The following GUCY1A2 variants were observed in gnomAD, a reference collection of about 807,000 sequenced individuals.
GUCY1A2 encodes the protein guanylate cyclase soluble subunit alpha-2.
A neutral mutation model predicts 63.5 loss-of-function variants in GUCY1A2; 27 were observed. That is an observed-to-expected ratio of 0.43 (90% CI 0.31 to 0.59). GUCY1A2 has a LOEUF of 0.59. Among genes scored for constraint, GUCY1A2 ranks in the 20% least tolerant of loss-of-function variants. The pLI is 0.11. For synonymous variants in GUCY1A2, 364 were observed against 343.5 expected, an observed-to-expected ratio of 1.06 and a Z score of -0.66; for missense variants, 768 against 913.3, an observed-to-expected ratio of 0.84 and a Z score of 2.05.
chr11:106,733,031 T>A (rs978293965), intron 6 of GUCY1A2, among the ~76,000 whole-genome samples: 26 of 152,152 alleles, frequency 1.7e-4, no homozygotes, highest in African/African-American at 6.0e-4. Flanking sequence ...AATCTAAGAT[T>A]ATTTGTTATA....
chr11:106,991,813 T>C (rs530559629), intron 1 of GUCY1A2, among the ~76,000 whole-genome samples: 1 of 152,306 alleles, frequency 6.6e-6, no homozygotes, highest in Admixed American at 6.5e-5. Context: ...CCCACTCCCA[T>C]GCAAATAATT....
intron 3 of GUCY1A2, among the ~76,000 whole-genome samples, chr11:106,960,283 G>T (rs938416612): frequency 6.6e-6 from 1 of 152,094 alleles, no homozygotes; most frequent in Non-Finnish European, 1.5e-5. Flanking sequence ...AGATATGAAG[G>T]ATTTCAGTCT....
At position 106,996,514 on chromosome 11, in the gene GUCY1A2, T is replaced by G. The variant is rs1216214834; in HGVS notation, c.304-10383A>C. Among the ~76,000 whole-genome samples, 3 of 152,190 alleles carry G rather than the reference T, an allele frequency of 2.0e-5. No homozygotes were observed. In the East Asian group the frequency reaches 5.8e-4, roughly 29 times the overall value. On this transcript the variant is annotated intron_variant, in intron 1 of 7. Transcript: ENST00000526355. ...GACTCTAAATGGATTAAAGCAAACT[T>G]CTAATTATGACTTGGTTCCTCAGAT...
intron 4 of GUCY1A2, among the ~76,000 whole-genome samples, chr11:106,859,643 A>G (rs1859482200): frequency 6.6e-6 from 1 of 152,036 alleles, no homozygotes; most frequent in African/African-American, 2.4e-5. Context: ...ATACCAGGTA[A>G]AAGTGCAGTC....
At chr11:106,742,993 C>G (rs1010739864) in intron 6 of GUCY1A2, among the ~76,000 whole-genome samples, 2 of 152,116 alleles carry the variant, frequency 1.3e-5, no homozygotes. Flanking sequence ...TCAGTGGGTT[C>G]CCATTAATGT....
intron 5 of GUCY1A2, among the ~76,000 whole-genome samples, chr11:106,780,525 G>A (rs566615787): frequency 2.6e-5 from 4 of 152,240 alleles, no homozygotes; most frequent in African/African-American, 9.6e-5. Flanking sequence ...GAACCTCCAC[G>A]TCGGGAACTA....
chr11:106,895,741 C>T (rs900633276), intron 4 of GUCY1A2, among the ~76,000 whole-genome samples: 5 of 152,060 alleles, frequency 3.3e-5, no homozygotes, highest in African/African-American at 4.8e-5. Context: ...ATACAACTTC[C>T]TAACTCATTC....
chr11:106,806,920 G>T (rs1334383526), intron 5 of GUCY1A2, among the ~76,000 whole-genome samples: 3 of 152,112 alleles, frequency 2.0e-5, no homozygotes, highest in African/African-American at 4.8e-5. Context: ...TCTATCATCT[G>T]CCTGATGATA....
At chr11:106,796,902 T>G (rs1490908737) in intron 5 of GUCY1A2, among the ~76,000 whole-genome samples, 1 of 152,210 alleles carries the variant, frequency 6.6e-6, no homozygotes, top group Non-Finnish European at 1.5e-5. Flanking sequence ...CCTGTCACTT[T>G]CAGGCACACC....
At chr11:106,828,702 A>G (rs1859010375) in intron 4 of GUCY1A2, among the ~76,000 whole-genome samples, 1 of 152,006 alleles carries the variant, frequency 6.6e-6, no homozygotes. Flanking sequence ...CAAGAAGGCA[A>G]GGATTGAACC....
chr11:106,837,274 T>C (rs1438870663), intron 4 of GUCY1A2, among the ~76,000 whole-genome samples: 1 of 152,030 alleles, frequency 6.6e-6, no homozygotes, highest in Non-Finnish European at 1.5e-5. Flanking sequence ...TGTATTAGTC[T>C]GCTAAGGATA....
At chr11:106,778,418 T>C (rs897947855) in intron 5 of GUCY1A2, among the ~76,000 whole-genome samples, 5 of 152,216 alleles carry the variant, frequency 3.3e-5, no homozygotes, top group Admixed American at 3.3e-4. Context: ...CTGGCTACGA[T>C]GTGAGCTTTT....
chr11:106,825,087 C>T, intron 4 of GUCY1A2: 1 of 615,066 alleles, frequency 1.6e-6, no homozygotes, highest in East Asian at 3.0e-5. Flanking sequence ...ATTTTCAGAG[C>T]TTATCTCTGA....
chr11:106,990,359 T>C (rs1375231567), intron 1 of GUCY1A2, among the ~76,000 whole-genome samples: 1 of 152,252 alleles, frequency 6.6e-6, no homozygotes, highest in Non-Finnish European at 1.5e-5. Flanking sequence ...AGACTAAATG[T>C]TATGCTCAAG....
chr11:106,942,239 C>G (rs1860761745), intron 3 of GUCY1A2, among the ~76,000 whole-genome samples: 1 of 152,164 alleles, frequency 6.6e-6, no homozygotes. Flanking sequence ...TATTAATCAT[C>G]CCTTCCTCCT....
intron 4 of GUCY1A2, among the ~76,000 whole-genome samples, chr11:106,869,834 C>G (rs568021851): frequency 3.3e-4 from 50 of 152,064 alleles, no homozygotes; most frequent in Non-Finnish European, 4.6e-4. Flanking sequence ...CTACTCACAA[C>G]AGCAAAGACT....
At chr11:106,780,961 G>A (rs1864448721) in intron 5 of GUCY1A2, among the ~76,000 whole-genome samples, 1 of 151,942 alleles carries the variant, frequency 6.6e-6, no homozygotes, top group African/African-American at 2.4e-5. Context: ...AATATATGTG[G>A]AAGTGTTAGT....
At chr11:106,991,854 A>T (rs1861474000) in intron 1 of GUCY1A2, among the ~76,000 whole-genome samples, 1 of 152,272 alleles carries the variant, frequency 6.6e-6, no homozygotes. Flanking sequence ...ACATGCACAT[A>T]AAAATACAAC....
At chr11:106,769,021 G>A (rs548004762) in intron 6 of GUCY1A2, among the ~76,000 whole-genome samples, 2 of 152,154 alleles carry the variant, frequency 1.3e-5, no homozygotes, top group East Asian at 1.9e-4. Flanking sequence ...TCCCCTGATC[G>A]CTAACTGCTA....
Sources: allele counts gnomAD v4.1 joint callset (sites outside exome capture counted in the v4.1 genomes callset), GRCh38; gene constraint gnomAD v4.1.1; transcripts MANE v1.5; gene names NCBI Gene and HGNC (gene_info 2026-07-23, HGNC 2026-07-21).